PCDHA1: variants seen among roughly 807,000 people sequenced by gnomAD.
PCDHA1 encodes the protein protocadherin alpha-1.
A neutral mutation model predicts 61.3 loss-of-function variants in PCDHA1; 42 were observed. The ratio of observed to expected loss-of-function variants is 0.69; its 90% CI spans 0.54 to 0.89. The LOEUF (loss-of-function observed/expected upper bound fraction) is 0.89. PCDHA1 is among the 40% of genes least tolerant of loss of function. The pLI is 0.00. For synonymous variants in PCDHA1, 610 were observed against 553.8 expected, an observed-to-expected ratio of 1.10 and a Z score of -1.43; for missense variants, 1,256 against 1,235.3, an observed-to-expected ratio of 1.02 and a Z score of -0.25.
chr5:141,010,188 T>G lies in PCDHA1; in HGVS notation c.*251T>G. 6.4e-7 allele frequency: 1 copy of G among 1,553,070 alleles called. No individual in the cohort carries two copies. On this transcript the variant is annotated 3_prime_UTR_variant, in exon 4 of 4. Coordinates refer to ENST00000504120, the MANE Select transcript of PCDHA1 (RefSeq NM_018900.4). ...CAGAACCTAAAAAGCAGACCCAAGT[T>G]TCCTTTCTCCTCCGCCGCAAAGGAG...
chr5:140,807,548 G>T, intron 1 of PCDHA1: 2 of 1,614,176 alleles, frequency 1.2e-6, no homozygotes, highest in Middle Eastern at 1.6e-4. Flanking sequence ...CCATGTGGAC[G>T]TGGAGGTGAG....
intron 1 of PCDHA1, chr5:140,860,649 AG>A (rs2046495256): frequency 1.3e-5 from 2 of 152,282 alleles, no homozygotes; most frequent in Non-Finnish European, 2.9e-5. Context: ...GAAGAAGATA[AG>A]TGAAATAATA....
intron 1 of PCDHA1, among the ~76,000 whole-genome samples, chr5:140,941,183 T>C (rs2092749314): frequency 8.3e-6 from 1 of 120,094 alleles, no homozygotes; most frequent in African/African-American, 3.0e-5. Flanking sequence ...AACATCCTGC[T>C]TCTTTTTTTT....
chr5:140,816,370 C>T (rs1765892355), intron 1 of PCDHA1: 1 of 152,098 alleles, frequency 6.6e-6, no homozygotes, highest in South Asian at 2.1e-4. Context: ...TGAATATTTT[C>T]TATCTGCTGA....
chr5:140,788,844 C>T (rs200780102), intron 1 of PCDHA1, 160 bp downstream of exon 1: 4 of 1,392,854 alleles, frequency 2.9e-6, no homozygotes, highest in South Asian at 1.9e-5. Flanking sequence ...GCAGTTTTGT[C>T]TTGAATGGAA....
intron 1 of PCDHA1, among the ~76,000 whole-genome samples, chr5:140,975,197 C>T (rs1176492853): frequency 6.6e-6 from 1 of 152,230 alleles, no homozygotes; most frequent in Non-Finnish European, 1.5e-5. Flanking sequence ...TCTGCTCCAT[C>T]TTCATGGCTG....
At chr5:140,875,597 G>T in intron 1 of PCDHA1, 1 of 1,613,960 alleles carries the variant, frequency 6.2e-7, no homozygotes, top group African/African-American at 1.3e-5. Flanking sequence ...GCCAAACACG[G>T]CACCTTCGTG....
At chr5:140,867,507 C>G (rs190699676) in intron 1 of PCDHA1, 5 of 151,968 alleles carry the variant, frequency 3.3e-5, no homozygotes, top group Non-Finnish European at 7.4e-5. Flanking sequence ...AGAACAAAAT[C>G]TCAAATTAAT....
At chr5:140,789,123 A>C (rs999855313) in intron 1 of PCDHA1, among the ~76,000 whole-genome samples, 9 of 152,270 alleles carry the variant, frequency 5.9e-5, no homozygotes, top group African/African-American at 1.9e-4. Flanking sequence ...CAAAGTGAAC[A>C]ATAAACTGAA....
intron 1 of PCDHA1, chr5:140,927,159 C>G (rs782468229): frequency 6.2e-7 from 1 of 1,614,046 alleles, no homozygotes; most frequent in Non-Finnish European, 8.5e-7. Context: ...TGTGCAGGGC[C>G]AAAGCTGCCT....
intron 1 of PCDHA1, chr5:140,967,470 C>T (rs1554229592): frequency 1.2e-6 from 2 of 1,613,462 alleles, no homozygotes; most frequent in Non-Finnish European, 8.5e-7. Context: ...GGGGGCATCC[C>T]AGCCCGCTCG....
At position 140,787,953 on chromosome 5, in the gene PCDHA1, G is replaced by C. The variant is rs1581597808; in HGVS notation, c.1663G>C (p.Val555Leu). Residue 555 changes from valine (V) to leucine (L), a missense_variant, in exon 1 of 4, where the codon GTG (valine) becomes CTG (leucine). Transcript: ENST00000504120. ...CAGCAACGTGACGCTGCAGGTGTTC[G>C]TGCTGGACGAGAACGACAACGCGCC... ...LGSNVTLQVF[V>L]LDENDNAPAL... The C allele has an allele frequency of 6.2e-7, 1 of 1,613,938 alleles. No homozygotes were observed. The highest frequency in any genetic ancestry group is 8.5e-7 in the Non-Finnish European group (1 of 1,179,908).
chr5:140,937,521 G>A (rs1244752316), intron 1 of PCDHA1, among the ~76,000 whole-genome samples: 1 of 152,106 alleles, frequency 6.6e-6, no homozygotes, highest in Non-Finnish European at 1.5e-5. Context: ...GGAGGCTGAG[G>A]CAGGAGAATT....
intron 1 of PCDHA1, among the ~76,000 whole-genome samples, chr5:140,819,596 C>T (rs1208093967): frequency 6.6e-6 from 1 of 152,000 alleles, no homozygotes; most frequent in Non-Finnish European, 1.5e-5. Flanking sequence ...TGTTCTTTTC[C>T]TGTGGAGTCT....
At chr5:140,805,780 C>CT (rs1205025543) in intron 1 of PCDHA1, 10 of 189,252 alleles carry the variant, frequency 5.3e-5, no homozygotes, top group African/African-American at 2.1e-4. Context: ...TGTCTAGAGA[C>CT]TTTTTTTGTA....
At chr5:140,876,334 A>G (rs782377581) in intron 1 of PCDHA1, 3 of 1,613,912 alleles carry the variant, frequency 1.9e-6, no homozygotes, top group African/African-American at 1.3e-5. Flanking sequence ...TTTGCCAGTG[A>G]GTGAGAAATG....
At chr5:140,797,292 A>G in intron 1 of PCDHA1, 1 of 1,614,224 alleles carries the variant, frequency 6.2e-7, no homozygotes, top group Non-Finnish European at 8.5e-7. Context: ...GCCCTAGCTT[A>G]TCTCAAGGTC....
chr5:140,850,893 G>A, intron 1 of PCDHA1: 1 of 1,574,570 alleles, frequency 6.4e-7, no homozygotes, highest in Non-Finnish European at 8.7e-7. Flanking sequence ...TGGGAAGGTG[G>A]GTTTTTCTAG....
intron 1 of PCDHA1, among the ~76,000 whole-genome samples, chr5:140,939,246 C>G (rs536477969): frequency 6.6e-5 from 10 of 152,230 alleles, no homozygotes; most frequent in African/African-American, 2.2e-4. Context: ...AGCAAGGTAG[C>G]TCTCTGGAAC....
Sources: gnomAD v4.1 joint callset for allele counts (sites outside exome capture counted in the v4.1 genomes callset) on GRCh38, gnomAD v4.1.1 for gene constraint, MANE v1.5 for transcripts, NCBI Gene and HGNC (gene_info 2026-07-23, HGNC 2026-07-21) for gene names.